The following OR3A3 variants were observed in gnomAD, a reference collection of about 807,000 sequenced individuals.
OR3A3 encodes the protein olfactory receptor 3A3.
For missense variants in OR3A3, 275 were observed against 391.4 expected (o/e 0.70, Z 2.51); for synonymous variants, 103 against 163.9 (o/e 0.63, Z 2.84).
At chr17:3,423,507 C>T (rs2072450282) in exon 3 of OR3A3, 1 of 152,120 alleles carries the variant, frequency 6.6e-6, no homozygotes, top group Non-Finnish European at 1.5e-5. Context: ...ATAAATATAC[C>T]TATTTTTAAA....
At chr17:3,423,940 C>T (rs1160866538) in exon 3 of OR3A3, 2 of 132,104 alleles carry the variant, frequency 1.5e-5, no homozygotes, top group African/African-American at 5.7e-5. Context: ...AGCGAAATGC[C>T]ATCTCAAAAA....
chr17:3,415,561 C>CAAAAAAAAAAAAAA (rs373566506), intron 2 of OR3A3, among the ~76,000 whole-genome samples: 3 of 110,776 alleles, frequency 2.7e-5, no homozygotes, highest in Admixed American at 1.0e-4. Context: ...AACTCCAACT[C>CAAAAAAAAAAAAAA]AAAAAAAAAA....
At chr17:3,411,914 T>C (rs1476176631) in intron 1 of OR3A3, 64 bp from the exon 2 acceptor site, 1 of 151,930 alleles carries the variant, frequency 6.6e-6, no homozygotes, top group South Asian at 2.1e-4. Flanking sequence ...ATCGTTGCCA[T>C]GAGTATGAAG....
chr17:3,412,109 G>T (rs2072365619), exon 2 of OR3A3: 1 of 152,476 alleles, frequency 6.6e-6, no homozygotes, highest in Admixed American at 6.5e-5. Context: ...GGATAACGGG[G>T]TGTGTGCAGC....
exon 3 of OR3A3, chr17:3,420,694 G>A (rs2072425991): frequency 1.3e-6 from 2 of 1,535,894 alleles, no homozygotes; most frequent in Admixed American, 1.9e-5. Context: ...CCTCCTCTTT[G>A]CCTATCTGGT....
exon 3 of OR3A3, chr17:3,420,955 G>A: frequency 6.2e-7 from 1 of 1,612,162 alleles, no homozygotes. Flanking sequence ...CATGGCCTAT[G>A]ACCGACTCCT....
At chr17:3,423,695 G>A (rs2072451643) in exon 3 of OR3A3, 1 of 152,152 alleles carries the variant, frequency 6.6e-6, no homozygotes, top group Non-Finnish European at 1.5e-5. Context: ...TGCTTTGGGA[G>A]GCCAAGGCAG....
chr17:3,421,155 C>T (rs560912760), exon 3 of OR3A3: 4 of 1,614,186 alleles, frequency 2.5e-6, no homozygotes, highest in Admixed American at 3.3e-5. Context: ...TCTTCCAGCT[C>T]TCCTGCTCCA....
chr17:3,412,439 C>T (rs1449532010), intron 2 of OR3A3, among the ~76,000 whole-genome samples: 2 of 147,258 alleles, frequency 1.4e-5, no homozygotes, highest in Non-Finnish European at 3.0e-5. Context: ...CATCAGGCAG[C>T]GGGGAACCCT....
intron 2 of OR3A3, among the ~76,000 whole-genome samples, chr17:3,412,944 A>G (rs1281181477): frequency 6.6e-6 from 1 of 152,248 alleles, no homozygotes; most frequent in East Asian, 1.9e-4. Flanking sequence ...AAAGTCTTCC[A>G]TGACAACTCT....
chr17:3,417,390 T>G (rs2072398848), intron 2 of OR3A3, among the ~76,000 whole-genome samples: 1 of 152,164 alleles, frequency 6.6e-6, no homozygotes, highest in Admixed American at 6.5e-5. Context: ...ACATGTTCTT[T>G]CTTCTCCTCT....
rs1015892928 is a variant in OR3A3, at chr17:3,415,332, G to A, written c.-7+3161G>A. The stretch of plus-strand genomic sequence containing the variant: ...TCCCAGCACTTTGGGAGGCCGAGGC[G>A]GGCGGATCACATGAGGTCAGGAGTT... On this transcript the variant is annotated intron_variant, in intron 2 of 2. Coordinates refer to ENST00000641141, the Ensembl canonical transcript of OR3A3. Among the ~76,000 whole-genome samples the A allele has an allele frequency of 5.3e-5, 8 of 151,554 alleles. No homozygotes were observed. The East Asian group carries it at 5.8e-4, about 11-fold the overall frequency.
At position 3,420,425 on chromosome 17, in the gene OR3A3, G is replaced by A. The variant is rs143933577; in HGVS notation, c.-6-155G>A. ...GAGGGACAAGGTGGTGGTGGCATTC[G>A]GCATCTCAACCAAGAGCAAGGTAAA... On this transcript the variant is annotated intron_variant, in intron 2 of 2. Transcript: ENST00000641141. 1.1e-3 allele frequency: 1,395 copies of A among 1,264,492 alleles called. 6 individuals are homozygous for A. The African/African-American group carries it at 0.019, about 17-fold the overall frequency. The allele number at this position is 1,264,492 out of a possible 1,614,324, so 78.3% of individuals were successfully genotyped here.
intron 2 of OR3A3, among the ~76,000 whole-genome samples, chr17:3,414,875 G>A (rs370430316): frequency 2.0e-5 from 3 of 151,736 alleles, no homozygotes; most frequent in Non-Finnish European, 2.9e-5. Context: ...GGAATAATTC[G>A]ATCATTCATA....
At chr17:3,414,213 A>G (rs1411453268) in intron 2 of OR3A3, among the ~76,000 whole-genome samples, 1 of 152,146 alleles carries the variant, frequency 6.6e-6, no homozygotes, top group Non-Finnish European at 1.5e-5. Flanking sequence ...CTGGGACTAC[A>G]GGTGCCCGCC....
chr17:3,413,721 G>T (rs1347588843), intron 2 of OR3A3, among the ~76,000 whole-genome samples: 2 of 151,680 alleles, frequency 1.3e-5, no homozygotes, highest in African/African-American at 2.4e-5. Context: ...GCTGAGGCAG[G>T]AGAATCACTT....
At chr17:3,414,809 G>A (rs1370107189) in intron 2 of OR3A3, among the ~76,000 whole-genome samples, 1 of 152,092 alleles carries the variant, frequency 6.6e-6, no homozygotes, top group East Asian at 1.9e-4. Flanking sequence ...AGCAACTACC[G>A]CAGCGTGCAA....
intron 2 of OR3A3, among the ~76,000 whole-genome samples, chr17:3,415,428 G>A (rs2072384452): frequency 1.3e-5 from 2 of 151,594 alleles, no homozygotes; most frequent in South Asian, 4.2e-4. Flanking sequence ...AGACGTGGTG[G>A]CGGGTGCCTG....
intron 2 of OR3A3, among the ~76,000 whole-genome samples, chr17:3,413,730 T>C (rs1405912439): frequency 6.6e-6 from 1 of 151,762 alleles, no homozygotes; most frequent in Non-Finnish European, 1.5e-5. Flanking sequence ...GGAGAATCAC[T>C]TGAACCTGGG....
Sources: gnomAD v4.1 joint callset for allele counts (sites outside exome capture counted in the v4.1 genomes callset) on GRCh38, gnomAD v4.1.1 for gene constraint, MANE v1.5 for transcripts, NCBI Gene and HGNC (gene_info 2026-07-23, HGNC 2026-07-21) for gene names.